The following CTDSP2 variants were observed in gnomAD, a reference collection of about 807,000 sequenced individuals.
CTDSP2 encodes CTD small phosphatase 2.
In CTDSP2, 9 loss-of-function variants were observed where a neutral mutation model predicts 31.6. That is an observed-to-expected ratio of 0.28 (90% confidence interval 0.17 to 0.50). The LOEUF is 0.50. Among genes scored for constraint, CTDSP2 ranks in the 20% least tolerant of loss-of-function variants. The pLI is 0.98. For synonymous variants in CTDSP2, 134 were observed against 134.5 expected (o/e 1.00, Z 0.03); for missense variants, 267 against 348.5 (o/e 0.77, Z 1.86).
At chr12:57,838,970 T>A (rs926458386) in intron 1 of CTDSP2, among the ~76,000 whole-genome samples, 8 of 152,194 alleles carry the variant, frequency 5.3e-5, no homozygotes, top group African/African-American at 1.9e-4. Context: ...TTCTAACTCA[T>A]TTCAGAGGTA....
intron 1 of CTDSP2, among the ~76,000 whole-genome samples, chr12:57,831,259 C>T (rs1345618702): frequency 6.6e-6 from 1 of 151,824 alleles, no homozygotes; most frequent in East Asian, 2.0e-4. Context: ...AGTTTGAAAC[C>T]AGCCTGGCCC....
chr12:57,845,183 G>C (rs887127376), intron 1 of CTDSP2, among the ~76,000 whole-genome samples: 6 of 152,146 alleles, frequency 3.9e-5, no homozygotes, highest in Non-Finnish European at 2.9e-5. Flanking sequence ...CTCCGGCTTC[G>C]GCCCCAGGAG....
At chr12:57,825,002 G>T (rs2140473439) in intron 5 of CTDSP2, among the ~76,000 whole-genome samples, 1 of 151,642 alleles carries the variant, frequency 6.6e-6, no homozygotes, top group East Asian at 1.9e-4. Context: ...TTCCAAAAAG[G>T]TCCTTTTTCT....
rs757557550 is a variant in CTDSP2 at position 57,846,725 on chromosome 12, A to G, written c.-290T>C. ...AACATGGAGAATCCGGAGCGAAAAC[A>G]AGAGGAGGAAATGGGACACGGGGCG... On this transcript the variant is annotated 5_prime_UTR_variant, in exon 1 of 8. Transcript: ENST00000398073. 9.4e-6 allele frequency: 3 copies of G among 319,710 alleles called. No homozygotes were observed. Among genetic ancestry groups the G allele is most frequent in the Non-Finnish European group, 1.7e-5 (3 of 176,754 alleles). The allele number at this position is 319,710 out of a possible 1,614,324, so 19.8% of individuals were successfully genotyped here. A position where few individuals can be genotyped will look rare whatever the true frequency, so the allele number is the denominator to read the frequency against.
At chr12:57,845,917 G>C (rs908598244) in intron 1 of CTDSP2, among the ~76,000 whole-genome samples, 1 of 152,176 alleles carries the variant, frequency 6.6e-6, no homozygotes, top group Non-Finnish European at 1.5e-5. Flanking sequence ...TCGGGCTTGG[G>C]GGGGCCTGCA....
intron 1 of CTDSP2, among the ~76,000 whole-genome samples, chr12:57,836,227 C>T (rs1158189119): frequency 6.6e-6 from 1 of 152,192 alleles, no homozygotes; most frequent in Non-Finnish European, 1.5e-5. Context: ...AATTTGTTTT[C>T]CAGCTCACAA....
Position 57,846,484 on chromosome 12 carries a change from G to C in CTDSP2, c.-49C>G. Reference sequence around the variant, plus strand: ...TGGCTGGGCGGGAGGACGGGCGGGCGCGCGGGCTGGGCTGGGCTGGGGGGC... The same window carrying C: ...TGGCTGGGCGGGAGGACGGGCGGGCCCGCGGGCTGGGCTGGGCTGGGGGGC... On this transcript the variant is annotated 5_prime_UTR_variant, in exon 1 of 8. Transcript: ENST00000398073. 1.3e-6 allele frequency: 2 copies of C among 1,509,594 alleles called. No individual in the cohort carries two copies. Among genetic ancestry groups the C allele is most frequent in the Non-Finnish European group, 1.8e-6 (2 of 1,122,076 alleles). The allele number at this position is 1,509,594 out of a possible 1,614,324, so 93.5% of individuals were successfully genotyped here.
chr12:57,836,909 C>A (rs1214453269), intron 1 of CTDSP2, among the ~76,000 whole-genome samples: 1 of 152,198 alleles, frequency 6.6e-6, no homozygotes, highest in Non-Finnish European at 1.5e-5. Flanking sequence ...GGTTCATCCC[C>A]AGAAGTACTT....
chr12:57,826,296 A>C (rs780995802), intron 5 of CTDSP2, 50 bp downstream of exon 5: 2 of 1,575,238 alleles, frequency 1.3e-6, no homozygotes, highest in Admixed American at 3.3e-5. Flanking sequence ...GTGAGGCAGA[A>C]GGCAGACCCC....
chr12:57,841,182 A>T (rs1211997143), intron 1 of CTDSP2, among the ~76,000 whole-genome samples: 1 of 152,206 alleles, frequency 6.6e-6, no homozygotes, highest in African/African-American at 2.4e-5. Context: ...CGTCCCAAAG[A>T]CAAGCGAGTT....
rs1386388886 is a variant in CTDSP2 at position 57,822,024 on chromosome 12, A to C, written c.*1578T>G. 1 of 152,160 alleles carries C rather than the reference A, an allele frequency of 6.6e-6. No homozygotes were observed. Among genetic ancestry groups the C allele is most frequent in the African/African-American group, 2.4e-5 (1 of 41,408 alleles). 9.4% of individuals were successfully genotyped at this position (152,160 alleles called of 1,614,324 possible). On this transcript the variant is annotated 3_prime_UTR_variant, in exon 8 of 8. Transcript: ENST00000398073. ...AGTCCTGAGTGGGTGGTGTCCCTGC[A>C]CCTAAAGCAATTCACAAATGCTTTG...
intron 5 of CTDSP2, among the ~76,000 whole-genome samples, chr12:57,825,361 T>C (rs1223468636): frequency 6.6e-6 from 1 of 152,232 alleles, no homozygotes; most frequent in Non-Finnish European, 1.5e-5. Flanking sequence ...TCATCCCAGC[T>C]TTCATCAAGT....
intron 1 of CTDSP2, among the ~76,000 whole-genome samples, chr12:57,841,473 C>T (rs774566779): frequency 4.6e-5 from 7 of 152,222 alleles, no homozygotes; most frequent in Non-Finnish European, 8.8e-5. Context: ...TTGAGAACCT[C>T]TAAGGAAGTT....
Position 57,822,378 on chromosome 12 carries a change from A to G in CTDSP2, c.*1224T>C, listed in dbSNP as rs1047076047. On this transcript the variant is annotated 3_prime_UTR_variant, in exon 8 of 8. Coordinates refer to ENST00000398073, the MANE Select transcript of CTDSP2 (RefSeq NM_005730.4). ...GTTACCAGAGGCAGAAAGCATGCGC[A>G]TTAGGCTGGCAAATGGCAAGAACAC... 2.6e-5 allele frequency: 4 copies of G among 152,324 alleles called. No individual in the cohort carries two copies. The highest frequency in any genetic ancestry group is 6.5e-5 in the Admixed American group (1 of 15,290). 9.4% of individuals were successfully genotyped at this position (152,324 alleles called of 1,614,324 possible).
At position 57,822,866 on chromosome 12, in the gene CTDSP2, G is replaced by C. The variant is rs538272882; in HGVS notation, c.*736C>G. 10 of 152,660 alleles carry C rather than the reference G, an allele frequency of 6.6e-5. No individual in the cohort carries two copies. The highest frequency in any genetic ancestry group is 1.0e-4 in the Non-Finnish European group (7 of 68,098). The allele number at this position is 152,660 out of a possible 1,614,324, so 9.5% of individuals were successfully genotyped here. ...GAAATCAGTTATCTGTCCTCTTCCCGGGCAGGGAGAAAACCTCCTTCCCCA... is the reference window on the plus strand; with the variant it reads ...GAAATCAGTTATCTGTCCTCTTCCCCGGCAGGGAGAAAACCTCCTTCCCCA... On this transcript the variant is annotated 3_prime_UTR_variant, in exon 8 of 8. Transcript: ENST00000398073.
intron 1 of CTDSP2, among the ~76,000 whole-genome samples, chr12:57,830,039 T>C (rs1956205428): frequency 6.6e-6 from 1 of 152,168 alleles, no homozygotes; most frequent in South Asian, 2.1e-4. Context: ...TAGCATCAGC[T>C]TCCCTAGATA....
intron 2 of CTDSP2, 149 bp downstream of exon 2, chr12:57,829,299 A>T: frequency 1.1e-6 from 1 of 873,794 alleles, no homozygotes; most frequent in African/African-American, 1.7e-5. Flanking sequence ...GAAATACACT[A>T]CTTATGGAAG....
intron 1 of CTDSP2, among the ~76,000 whole-genome samples, chr12:57,840,291 C>A (rs540352729): frequency 2.0e-5 from 3 of 152,348 alleles, no homozygotes; most frequent in East Asian, 3.9e-4. Context: ...GAGCCAGTAT[C>A]TACCGGTTGC....
intron 1 of CTDSP2, among the ~76,000 whole-genome samples, chr12:57,844,263 A>G (rs893251381): frequency 1.3e-5 from 2 of 152,198 alleles, no homozygotes; most frequent in Non-Finnish European, 2.9e-5. Context: ...CACACACAAA[A>G]AAGGAGAAAC....
Sources: allele counts gnomAD v4.1 joint callset (sites outside exome capture counted in the v4.1 genomes callset), GRCh38; gene constraint gnomAD v4.1.1; transcripts MANE v1.5; gene names NCBI Gene and HGNC (gene_info 2026-07-23, HGNC 2026-07-21).